Variants in NCALD observed in about 807,000 individuals in gnomAD.
NCALD encodes the protein neurocalcin-delta.
NCALD carries 10 observed loss-of-function variants against 18.6 expected under a neutral mutation model. The ratio of observed to expected loss-of-function variants is 0.54; its 90% CI spans 0.33 to 0.91. The LOEUF is 0.91. Among genes scored for constraint, NCALD ranks in the 40% least tolerant of loss-of-function variants. The pLI is 0.03. For missense variants in NCALD, 184 were observed against 247.6 expected, an observed-to-expected ratio of 0.74 and a Z score of 1.72; for synonymous variants, 88 against 87.4, an observed-to-expected ratio of 1.01 and a Z score of -0.04.
intron 4 of NCALD, among the ~76,000 whole-genome samples, chr8:101,810,049 T>A (rs1245962468): frequency 6.6e-6 from 1 of 152,172 alleles, no homozygotes; most frequent in Non-Finnish European, 1.5e-5. Context: ...GTGCAACGCC[T>A]ATAAACAAGA....
chr8:102,120,302 C>T (rs1825907991), intron 1 of NCALD, among the ~76,000 whole-genome samples: 1 of 152,144 alleles, frequency 6.6e-6, no homozygotes, highest in Admixed American at 6.5e-5. Context: ...CAGCCCGTCT[C>T]TAAGGATGAA....
At chr8:101,893,389 G>C in intron 3 of NCALD, among the ~76,000 whole-genome samples, 1 of 150,914 alleles carries the variant, frequency 6.6e-6, no homozygotes, top group African/African-American at 2.5e-5. Context: ...GGAACAACCA[G>C]TACCAGCCAC....
intron 2 of NCALD, among the ~76,000 whole-genome samples, chr8:101,958,104 T>C (rs1819702962): frequency 6.6e-6 from 1 of 152,136 alleles, no homozygotes; most frequent in Admixed American, 6.5e-5. Flanking sequence ...CTCTCACCTA[T>C]AAAATGAGAG....
chr8:101,852,961 G>A (rs1224626802), intron 4 of NCALD, among the ~76,000 whole-genome samples: 1 of 152,164 alleles, frequency 6.6e-6, no homozygotes, highest in African/African-American at 2.4e-5. Context: ...GACATCCTCT[G>A]ATCCAGAATA....
At chr8:101,784,590 A>C (rs1812147794) in intron 1 of NCALD, among the ~76,000 whole-genome samples, 1 of 152,106 alleles carries the variant, frequency 6.6e-6, no homozygotes, top group Non-Finnish European at 1.5e-5. Flanking sequence ...TGAGGACAGG[A>C]GTTCAAGACC....
chr8:102,002,790 C>T (rs866335710), intron 2 of NCALD, among the ~76,000 whole-genome samples: 35 of 151,962 alleles, frequency 2.3e-4, no homozygotes, highest in African/African-American at 7.7e-4. Context: ...GTGTACATAA[C>T]GAAATAAAGG....
intron 1 of NCALD, among the ~76,000 whole-genome samples, chr8:102,097,287 T>C (rs970242338): frequency 1.3e-5 from 2 of 152,248 alleles, no homozygotes; most frequent in African/African-American, 4.8e-5. Context: ...AGTTCATTCA[T>C]GGCATCTAAC....
chr8:101,776,726 G>A (rs984138885), intron 1 of NCALD, among the ~76,000 whole-genome samples: 5 of 152,146 alleles, frequency 3.3e-5, no homozygotes, highest in African/African-American at 1.2e-4. Context: ...TACAAGTAAT[G>A]CTACTTAATA....
intron 4 of NCALD, among the ~76,000 whole-genome samples, chr8:101,833,610 G>GTTTTTTTTTTT (rs555031298): frequency 1.5e-4 from 13 of 88,458 alleles, no homozygotes; most frequent in African/African-American, 3.5e-4. Context: ...TTTGTTTCTT[G>GTTTTTTTTTTT]TTTTTTTTTT....
At chr8:101,904,490 T>C (rs1817545128) in intron 3 of NCALD, among the ~76,000 whole-genome samples, 1 of 152,130 alleles carries the variant, frequency 6.6e-6, no homozygotes. Flanking sequence ...GTTTATATCC[T>C]GGTCTCCCCT....
At chr8:101,917,255 A>C (rs1313280845) in intron 2 of NCALD, among the ~76,000 whole-genome samples, 1 of 152,160 alleles carries the variant, frequency 6.6e-6, no homozygotes, top group African/African-American at 2.4e-5. Flanking sequence ...TTCAGTAAAC[A>C]ATAAAATTAG....
intron 2 of NCALD, among the ~76,000 whole-genome samples, chr8:101,711,008 A>G (rs1424448314): frequency 6.6e-6 from 1 of 152,134 alleles, no homozygotes; most frequent in Non-Finnish European, 1.5e-5. Context: ...CACCTTATAC[A>G]GGAGAGCTTT....
chr8:101,727,166 T>C (rs1816609326), intron 1 of NCALD, among the ~76,000 whole-genome samples: 1 of 152,230 alleles, frequency 6.6e-6, no homozygotes, highest in South Asian at 2.1e-4. Context: ...CTCATCTCAG[T>C]GAAGAATACC....
At position 101,744,938 on chromosome 8, in the gene NCALD, C is replaced by T. The variant is rs1014166897; in HGVS notation, c.-19-25290G>A. On this transcript the variant is annotated intron_variant, in intron 1 of 3. Transcript: ENST00000220931. ...AATAACCAAAATAAAATTTAATAAT[C>T]GTATGGTGAGGAAAGACTGCTGGTG... 1.6e-4 allele frequency among the ~76,000 whole-genome samples: 23 copies of T among 147,336 alleles called. No homozygotes were observed. In the South Asian group the frequency reaches 4.1e-3, roughly 26 times the overall value.
chr8:102,016,629 C>T (rs1385718095), intron 2 of NCALD, among the ~76,000 whole-genome samples: 3 of 152,198 alleles, frequency 2.0e-5, no homozygotes, highest in African/African-American at 7.2e-5. Context: ...ACAAATTCAA[C>T]TCCATCCAAA....
At chr8:102,029,596 G>A (rs764732164) in intron 1 of NCALD, among the ~76,000 whole-genome samples, 7 of 152,066 alleles carry the variant, frequency 4.6e-5, no homozygotes, top group East Asian at 3.8e-4. Context: ...TCCTGTCAAC[G>A]TTTCATCATA....
intron 1 of NCALD, among the ~76,000 whole-genome samples, chr8:101,776,688 A>G (rs1811805997): frequency 6.6e-6 from 1 of 152,186 alleles, no homozygotes; most frequent in Non-Finnish European, 1.5e-5. Flanking sequence ...CTGTGATTTC[A>G]TAATGTCCCT....
At chr8:102,065,010 C>CAA (rs34548051) in intron 1 of NCALD, among the ~76,000 whole-genome samples, 1,325 of 87,078 alleles carry the variant, frequency 0.015, 50 homozygotes, top group Non-Finnish European at 0.02. Flanking sequence ...CTCACTTTGG[C>CAA]AAAAAAAAAA....
Position 102,085,705 on chromosome 8 carries a change from T to C in NCALD, c.-210+38532A>G, listed in dbSNP as rs114510167. ...CCCAGGAGGTTGCAATGAGCTGAGA[T>C]TGCGCCACTGTGCACTCCAGCCTGG... On this transcript the variant is annotated intron_variant, in intron 1 of 6. Transcript: ENST00000311028. Among the ~76,000 whole-genome samples, 1,441 of 151,638 alleles carry C rather than the reference T, an allele frequency of 9.5e-3. 20 individuals are homozygous for C. The highest frequency in any genetic ancestry group is 0.034 in the African/African-American group (1,395 of 41,254).
Sources: allele counts gnomAD v4.1 joint callset (sites outside exome capture counted in the v4.1 genomes callset), GRCh38; gene constraint gnomAD v4.1.1; transcripts MANE v1.5; gene names NCBI Gene and HGNC (gene_info 2026-07-23, HGNC 2026-07-21).